The following SEC24A variants were observed in gnomAD, a reference collection of about 807,000 sequenced individuals.
SEC24A encodes SEC24 homolog A, COPII component, also known as protein transport protein Sec24A.
SEC24A carries 93 observed loss-of-function variants against 129.4 expected under a neutral mutation model. That is an observed-to-expected ratio of 0.72 (90% confidence interval 0.61 to 0.85). The LOEUF is 0.85. Ranked by LOEUF, SEC24A falls within the 40% of genes least tolerant of loss-of-function variation. The pLI, the probability that SEC24A is intolerant of heterozygous loss-of-function variation, is 0.00. For missense variants in SEC24A, 1,264 were observed against 1,307.4 expected (o/e 0.97, Z 0.51); for synonymous variants, 460 against 467.3 (o/e 0.98, Z 0.20).
chr5:134,697,099 T>C (rs368618664), intron 13 of SEC24A, 27 bp from the exon 14 acceptor site: 204 of 1,288,110 alleles, frequency 1.6e-4, no homozygotes, highest in Admixed American at 2.6e-4. Flanking sequence ...TTTTTTAAAA[T>C]GTCTCTTTAT....
intron 15 of SEC24A, among the ~76,000 whole-genome samples, chr5:134,701,616 T>G (rs529871001): frequency 6.6e-6 from 1 of 152,128 alleles, no homozygotes; most frequent in Non-Finnish European, 1.5e-5. Flanking sequence ...GGTCCAGTGA[T>G]TCTCCTGCCT....
At chr5:134,708,642 TCTATC>T (rs1752232567) in intron 17 of SEC24A, 66 bp from the exon 18 acceptor site, 1 of 1,367,452 alleles carries the variant, frequency 7.3e-7, no homozygotes, top group African/African-American at 1.5e-5. Context: ...AATTATCTCT[TCTATC>T]CTTAACAGTG....
chr5:134,688,980 A>G (rs1425699748), intron 11 of SEC24A, among the ~76,000 whole-genome samples: 1 of 152,106 alleles, frequency 6.6e-6, no homozygotes, highest in Non-Finnish European at 1.5e-5. Context: ...ACCCACAGCC[A>G]GTTAAGTGAT....
At chr5:134,683,235 G>T (rs1394706345) in intron 9 of SEC24A, among the ~76,000 whole-genome samples, 1 of 151,490 alleles carries the variant, frequency 6.6e-6, no homozygotes, top group African/African-American at 2.4e-5. Flanking sequence ...TGGTCAGGCT[G>T]GTCTCAAACT....
At chr5:134,683,907 A>G (rs1751360933) in intron 9 of SEC24A, among the ~76,000 whole-genome samples, 3 of 152,350 alleles carry the variant, frequency 2.0e-5, no homozygotes, top group Middle Eastern at 6.8e-3. Flanking sequence ...TAGAACTTGC[A>G]TAATAATTTA....
intron 17 of SEC24A, among the ~76,000 whole-genome samples, chr5:134,707,687 A>C (rs1008177062): frequency 6.6e-6 from 1 of 152,112 alleles, no homozygotes; most frequent in Admixed American, 6.6e-5. Context: ...TATTGACAGC[A>C]GTAACTATTA....
chr5:134,692,659 TA>T lies in SEC24A; in HGVS notation c.1779+4del. ...GTAAACTTAAATGAAAGTAAAGAGGTAAGGCACATTTTCCTACCTGACATGT... is the reference window on the plus strand; with the variant it reads ...GTAAACTTAAATGAAAGTAAAGAGGTAGGCACATTTTCCTACCTGACATGT... On this transcript the variant is annotated splice_donor_region_variant and intron_variant, in intron 12 of 22. Coordinates refer to ENST00000398844, the MANE Select transcript of SEC24A (RefSeq NM_021982.3). 7.0e-7 allele frequency: 1 copy of T among 1,424,480 alleles called. No homozygotes were observed. The highest frequency in any genetic ancestry group is 9.9e-7 in the Non-Finnish European group (1 of 1,010,738). The allele number at this position is 1,424,480 out of a possible 1,614,324, so 88.2% of individuals were successfully genotyped here.
intron 3 of SEC24A, among the ~76,000 whole-genome samples, chr5:134,669,445 C>T (rs981959746): frequency 2.0e-5 from 3 of 151,440 alleles, no homozygotes; most frequent in African/African-American, 4.9e-5. Flanking sequence ...GCATTACAGG[C>T]GTGAGCCACT....
intron 2 of SEC24A, among the ~76,000 whole-genome samples, chr5:134,663,971 T>G (rs1364859126): frequency 6.6e-6 from 1 of 151,808 alleles, no homozygotes; most frequent in South Asian, 2.1e-4. Context: ...ATTAGCCAAG[T>G]ATGGTGGCAC....
In SEC24A at chr5:134,703,953, T is replaced by G. The variant is rs567022146; in HGVS notation, c.2440+21T>G. The G allele has an allele frequency of 3.1e-5, 47 of 1,518,096 alleles. No individual in the cohort carries two copies. The African/African-American group carries it at 5.1e-4, about 17-fold the overall frequency. 94.0% of individuals were successfully genotyped at this position (1,518,096 alleles called of 1,614,324 possible). Reference sequence around the variant, plus strand: ...CAAAGGTAAATTGTTTGTTTTTTTTTGGATTTCAAATGTTCAAATATTGTC... The same window carrying G: ...CAAAGGTAAATTGTTTGTTTTTTTTGGGATTTCAAATGTTCAAATATTGTC... On this transcript the variant is annotated intron_variant, in intron 16 of 22. Transcript: ENST00000398844.
chr5:134,667,689 A>G (rs1444804476), intron 3 of SEC24A, among the ~76,000 whole-genome samples: 1 of 151,400 alleles, frequency 6.6e-6, no homozygotes, highest in Non-Finnish European at 1.5e-5. Context: ...AAAACAAGAT[A>G]TATTTTGATT....
chr5:134,692,152 C>T (rs543814782), intron 11 of SEC24A, among the ~76,000 whole-genome samples: 4 of 151,102 alleles, frequency 2.6e-5, no homozygotes, highest in East Asian at 3.9e-4. Flanking sequence ...CTCAGCCTCC[C>T]GGGCTCAAGG....
intron 3 of SEC24A, among the ~76,000 whole-genome samples, chr5:134,667,733 T>C (rs1474280815): frequency 1.3e-5 from 2 of 151,362 alleles, no homozygotes; most frequent in Non-Finnish European, 2.9e-5. Context: ...CACATACTTA[T>C]GAAACTAAAT....
chr5:134,676,663 C>T (rs1162658686), intron 7 of SEC24A, among the ~76,000 whole-genome samples: 2 of 151,914 alleles, frequency 1.3e-5, no homozygotes, highest in Non-Finnish European at 2.9e-5. Flanking sequence ...AGACTGGTCT[C>T]GAACTGACCT....
intron 19 of SEC24A, 103 bp downstream of exon 19, chr5:134,715,264 G>C: frequency 9.8e-7 from 1 of 1,017,250 alleles, no homozygotes; most frequent in Admixed American, 2.7e-5. Context: ...TAAGGCTTTA[G>C]CTTTTATTTT....
chr5:134,697,100 G>A (rs762585401), intron 13 of SEC24A, 26 bp from the exon 14 acceptor site: 2 of 1,291,878 alleles, frequency 1.5e-6, no homozygotes, highest in South Asian at 1.5e-5. Context: ...TTTTTAAAAT[G>A]TCTCTTTATA....
Position 134,661,134 on chromosome 5 carries a change from C to T in SEC24A, c.113C>T (p.Ala38Val), listed in dbSNP as rs188905106. 1.3e-5 allele frequency: 21 copies of T among 1,606,276 alleles called. No homozygotes were observed. The African/African-American group carries it at 2.0e-4, about 15-fold the overall frequency. ...TTATTGGAAGGTCCTGTCCAAAATG[C>T]ATTGCTGTCTTCACAAGAGTCAGTG... Reference protein sequence around the residue: ...SPYTNGPVQNALLSSQESVSQ... With the variant: ...SPYTNGPVQNVLLSSQESVSQ... The change falls in exon 2 of 23, where the codon GCA (alanine) becomes GTA (valine). Residue 38 changes from alanine (A) to valine (V), a missense_variant. Ala to Val is a moderately conservative substitution (Grantham distance 64, BLOSUM62 0). Transcript: ENST00000398844.
chr5:134,697,867 C>T lies in SEC24A; in HGVS notation c.2108-32C>T, dbSNP rs374754211. Reference sequence around the variant, plus strand: ...TTGGTGTAGTAGAAATAGTTAACGGCACAGTTTAAAACAGTGTGTGTTCTC... The same window carrying T: ...TTGGTGTAGTAGAAATAGTTAACGGTACAGTTTAAAACAGTGTGTGTTCTC... On this transcript the variant is annotated intron_variant, in intron 14 of 22. Transcript: ENST00000398844. 6 of 1,574,284 alleles carry T rather than the reference C, an allele frequency of 3.8e-6. No individual in the cohort carries two copies. In the African/African-American group the frequency reaches 8.3e-5, roughly 22 times the overall value.
intron 1 of SEC24A, among the ~76,000 whole-genome samples, chr5:134,656,397 T>C (rs1023876544): frequency 6.6e-6 from 1 of 152,094 alleles, no homozygotes; most frequent in Non-Finnish European, 1.5e-5. Flanking sequence ...ATCTTTATAC[T>C]GGACATCTCC....
Sources: gnomAD v4.1 joint callset for allele counts (sites outside exome capture counted in the v4.1 genomes callset) on GRCh38, gnomAD v4.1.1 for gene constraint, MANE v1.5 for transcripts, NCBI Gene and HGNC (gene_info 2026-07-23, HGNC 2026-07-21) for gene names.